KLRG1: variants seen among roughly 807,000 people sequenced by gnomAD.
KLRG1 encodes the protein killer cell lectin-like receptor subfamily G member 1.
A neutral mutation model predicts 21.8 loss-of-function variants in KLRG1; 16 were observed. The ratio of observed to expected loss-of-function variants is 0.73; its 90% CI spans 0.50 to 1.11. The LOEUF (loss-of-function observed/expected upper bound fraction) is 1.11. KLRG1 is among the 50% of genes most tolerant of loss of function. The probability of loss-of-function intolerance (pLI) is 0.00; values close to 1 mark genes in which losing one functional copy is unlikely to be tolerated. For synonymous variants in KLRG1, 69 were observed against 75.9 expected, an observed-to-expected ratio of 0.91 and a Z score of 0.47; for missense variants, 173 against 218.3, an observed-to-expected ratio of 0.79 and a Z score of 1.31.
intron 3 of KLRG1, among the ~76,000 whole-genome samples, chr12:9,001,010 C>A (rs777101481): frequency 1.3e-5 from 2 of 152,084 alleles, no homozygotes; most frequent in Non-Finnish European, 2.9e-5. Context: ...AATTTCTTAA[C>A]GTTATTTGCA....
chr12:9,185,282 G>T, the KLRG1 span, among the ~76,000 whole-genome samples: 1 of 152,136 alleles, frequency 6.6e-6, no homozygotes, highest in African/African-American at 2.4e-5. Context: ...ATTTCGTAAT[G>T]CAATCACAAG....
chr12:9,020,916 A>G, the KLRG1 span, among the ~76,000 whole-genome samples: 1,103 of 152,298 alleles, frequency 7.2e-3, 12 homozygotes, highest in African/African-American at 0.025. Context: ...ACACAAACCT[A>G]GATGGAAGAG....
intron 1 of KLRG1, among the ~76,000 whole-genome samples, chr12:8,975,635 C>T (rs1352717961): frequency 6.6e-6 from 1 of 152,046 alleles, no homozygotes; most frequent in Admixed American, 6.6e-5. Context: ...GCGGCCATGG[C>T]TCACTGCAGC....
the KLRG1 span, among the ~76,000 whole-genome samples, chr12:9,176,496 C>T: frequency 1.3e-5 from 2 of 152,140 alleles, no homozygotes; most frequent in Non-Finnish European, 2.9e-5. Flanking sequence ...AAACGCAGTC[C>T]ATATTCAAAA....
At chr12:9,153,219 T>C in the KLRG1 span, 4 of 1,614,190 alleles carry the variant, frequency 2.5e-6, no homozygotes, top group Non-Finnish European at 3.4e-6. Flanking sequence ...GAGGTTGTTG[T>C]TGTCTACTTG....
chr12:8,988,010 C>T (rs1946872980), upstream of KLRG1, among the ~76,000 whole-genome samples: 1 of 152,204 alleles, frequency 6.6e-6, no homozygotes, highest in African/African-American at 2.4e-5. Flanking sequence ...TGCATCACCT[C>T]TGTCCTTTCT....
chr12:9,094,239 G>A, the KLRG1 span, among the ~76,000 whole-genome samples: 46 of 150,916 alleles, frequency 3.0e-4, no homozygotes, highest in Middle Eastern at 6.8e-3. Flanking sequence ...ATTCTCTATC[G>A]TGTCAGAAGA....
At chr12:9,021,684 CTA>C in the KLRG1 span, among the ~76,000 whole-genome samples, 2 of 152,042 alleles carry the variant, frequency 1.3e-5, no homozygotes, top group East Asian at 3.9e-4. Context: ...TATTTTAAAA[CTA>C]TTTTTAATTT....
chr12:9,109,780 G>T, the KLRG1 span: 1 of 1,333,030 alleles, frequency 7.5e-7, no homozygotes, highest in Non-Finnish European at 1.0e-6. Flanking sequence ...ATGGGAAATG[G>T]AAAGACTCCA....
At chr12:9,140,880 CA>C in the KLRG1 span, among the ~76,000 whole-genome samples, 8 of 152,306 alleles carry the variant, frequency 5.3e-5, no homozygotes, top group South Asian at 8.3e-4. Context: ...TAAAGGACAG[CA>C]CACCTCTCCA....
the KLRG1 span, among the ~76,000 whole-genome samples, chr12:9,170,514 C>T: frequency 6.6e-6 from 1 of 152,200 alleles, no homozygotes; most frequent in Admixed American, 6.5e-5. This position sits in a 1 kb window ranked among gnomAD's most constrained non-coding sequence, Gnocchi z 4.6. Flanking sequence ...ACTTCCACAG[C>T]ACCTCACAGG....
chr12:9,154,743 G>A, the KLRG1 span: 5 of 1,614,124 alleles, frequency 3.1e-6, no homozygotes, highest in East Asian at 8.9e-5. Context: ...GAGCACATAG[G>A]ATGTCATCTC....
At chr12:9,101,054 A>G in the KLRG1 span, 2 of 1,235,358 alleles carry the variant, frequency 1.6e-6, no homozygotes, top group Non-Finnish European at 2.3e-6. Flanking sequence ...AAACCTATGG[A>G]AAAAAAGGGA....
At chr12:9,174,357 C>G in the KLRG1 span, among the ~76,000 whole-genome samples, 1 of 152,174 alleles carries the variant, frequency 6.6e-6, no homozygotes, top group South Asian at 2.1e-4. Flanking sequence ...AAACACACAG[C>G]CAATATCATA....
the KLRG1 span, chr12:9,208,148 G>C: frequency 4.2e-6 from 3 of 707,184 alleles, no homozygotes; most frequent in Admixed American, 4.8e-5. Flanking sequence ...TCTTATATTT[G>C]GAAGGTATTG....
chr12:9,083,754 GAAAA>G, the KLRG1 span, among the ~76,000 whole-genome samples: 5 of 142,498 alleles, frequency 3.5e-5, no homozygotes, highest in Admixed American at 3.5e-4. Context: ...TATAGAATCA[GAAAA>G]AAAAAAAAGC....
At chr12:9,192,940 C>A in the KLRG1 span, among the ~76,000 whole-genome samples, 119 of 152,306 alleles carry the variant, frequency 7.8e-4, no homozygotes, top group African/African-American at 2.7e-3. Flanking sequence ...AAATTTATCT[C>A]TTTTGCCCTG....
chr12:9,102,858 C>T, the KLRG1 span, among the ~76,000 whole-genome samples: 6 of 152,116 alleles, frequency 3.9e-5, no homozygotes, highest in Non-Finnish European at 8.8e-5. Context: ...GAGGGAGGTG[C>T]TTTTATGCCA....
chr12:8,978,640 TTTTCTTTCTTTCTTTCTTTC>T lies in KLRG1; in HGVS notation c.-155-13534_-155-13515del, dbSNP rs202186076. Reference sequence around the variant, plus strand: ...CAGTCTTTCTTTTTCTTTTTCTTTCTTTTCTTTCTTTCTTTCTTTCTTTCTTTCTTTCTTTCTTTCTTTCT... The same window carrying T: ...CAGTCTTTCTTTTTCTTTTTCTTTCTTTTCTTTCTTTCTTTCTTTCTTTCT... On this transcript the variant is annotated intron_variant, in intron 1 of 4. Coordinates refer to the KLRG1 transcript ENST00000539240. Among the ~76,000 whole-genome samples, 238 of 107,900 alleles carry T rather than the reference TTTTCTTTCTTTCTTTCTTTC, an allele frequency of 2.2e-3. 1 individual carries two copies. Among genetic ancestry groups the T allele is most frequent in the Middle Eastern group, 5.1e-3 (1 of 198 alleles). 70.8% of individuals were successfully genotyped at this position (107,900 alleles called of 152,430 possible). A position where few individuals can be genotyped will look rare whatever the true frequency, so the allele number is the denominator to read the frequency against.
Sources: allele counts gnomAD v4.1 joint callset (sites outside exome capture counted in the v4.1 genomes callset), GRCh38; gene constraint gnomAD v4.1.1; non-coding constraint Gnocchi (gnomAD v3.1); transcripts MANE v1.5; gene names NCBI Gene and HGNC (gene_info 2026-07-23, HGNC 2026-07-21).